The following CTIF variants were observed in gnomAD, a reference collection of about 807,000 sequenced individuals.
CTIF encodes the protein cap binding complex dependent translation initiation factor.
In CTIF, 21 loss-of-function variants were observed where a neutral mutation model predicts 66.0. The ratio of observed to expected loss-of-function variants is 0.32; its 90% CI spans 0.23 to 0.46. The LOEUF is 0.46. CTIF is among the 20% of genes least tolerant of loss of function. The pLI is 1.00. For missense variants in CTIF, 739 were observed against 812.7 expected (o/e 0.91, Z 1.10); for synonymous variants, 345 against 326.4 (o/e 1.06, Z -0.62).
At chr18:48,668,540 T>C (rs1003566379) in intron 5 of CTIF, among the ~76,000 whole-genome samples, 1 of 152,148 alleles carries the variant, frequency 6.6e-6, no homozygotes, top group Non-Finnish European at 1.5e-5. Context: ...GGAAACTTTT[T>C]CTTTTCCTTC....
intron 1 of CTIF, among the ~76,000 whole-genome samples, chr18:48,608,319 T>G (rs2144253066): frequency 6.6e-6 from 1 of 152,318 alleles, no homozygotes; most frequent in East Asian, 1.9e-4. Flanking sequence ...TTGTGGCTTT[T>G]TATGTGAAAT....
chr18:48,758,421 T>C lies in CTIF; in HGVS notation c.1071+16T>C. 6.4e-7 allele frequency: 1 copy of C among 1,561,334 alleles called. No individual in the cohort carries two copies. On this transcript the variant is annotated intron_variant, in intron 8 of 11. Transcript: ENST00000256413. ...AAAGGAAAAGGTACCGGTAATTGAATTTTTGTTCTTCTCTTGCACCAGGGA... is the reference window on the plus strand; with the variant it reads ...AAAGGAAAAGGTACCGGTAATTGAACTTTTGTTCTTCTCTTGCACCAGGGA...
intron 7 of CTIF, among the ~76,000 whole-genome samples, chr18:48,722,818 A>T (rs1359940525): frequency 6.6e-6 from 1 of 152,146 alleles, no homozygotes; most frequent in African/African-American, 2.4e-5. Flanking sequence ...ATCGGCGCTC[A>T]TAGGTGTAAG....
intron 6 of CTIF, among the ~76,000 whole-genome samples, chr18:48,676,515 G>A (rs1307104194): frequency 6.6e-6 from 1 of 152,174 alleles, no homozygotes; most frequent in Admixed American, 6.5e-5. Flanking sequence ...AGCAGGGCCG[G>A]CTCCCCTGCC....
At chr18:48,831,685 A>G (rs908571350) in intron 10 of CTIF, among the ~76,000 whole-genome samples, 5 of 152,272 alleles carry the variant, frequency 3.3e-5, no homozygotes, top group African/African-American at 1.2e-4. Flanking sequence ...GTAATTTTAC[A>G]TGGCCTAGTA....
At chr18:48,827,040 G>A (rs1022633045) in intron 10 of CTIF, among the ~76,000 whole-genome samples, 9 of 152,242 alleles carry the variant, frequency 5.9e-5, no homozygotes, top group Middle Eastern at 3.4e-3. Flanking sequence ...GAGCCAAGGC[G>A]TGGGGGCCAG....
chr18:48,712,384 G>T (rs536890033), intron 7 of CTIF, among the ~76,000 whole-genome samples: 3 of 152,288 alleles, frequency 2.0e-5, no homozygotes, highest in South Asian at 2.1e-4. Context: ...TTTCAAAAAG[G>T]CTTTCTTATA....
rs116834967 is a variant in CTIF at position 48,757,881 on chromosome 18, A to G, written c.585-38A>G. ...CACAGGGACTCTGACCAGCCCGCCC[A>G]GTGATCGCCTTCTCTGTCTTTCCTC... On this transcript the variant is annotated intron_variant, in intron 7 of 11. Coordinates refer to ENST00000256413, the MANE Select transcript of CTIF (RefSeq NM_014772.3). 4.5e-3 allele frequency: 7,141 copies of G among 1,583,510 alleles called. 199 individuals are homozygous for G. The African/African-American group carries it at 0.072, about 16-fold the overall frequency.
At chr18:48,794,695 CAGATGCCCTCTGG>C (rs536522021) in intron 9 of CTIF, among the ~76,000 whole-genome samples, 77 of 152,298 alleles carry the variant, frequency 5.1e-4, no homozygotes, top group African/African-American at 1.7e-3. Context: ...GGGATCGAAG[CAGATGCCCTCTGG>C]AGATGCCCTC....
At chr18:48,751,993 G>T (rs1340408235) in intron 7 of CTIF, among the ~76,000 whole-genome samples, 1 of 152,018 alleles carries the variant, frequency 6.6e-6, no homozygotes, top group African/African-American at 2.4e-5. Flanking sequence ...TCTACAGTTA[G>T]TGAGAAAAGT....
rs1045982729 is a variant in CTIF at position 48,633,833 on chromosome 18, T to C, written c.181-2781T>C. Among the ~76,000 whole-genome samples the C allele has an allele frequency of 5.3e-5, 8 of 152,328 alleles. No individual in the cohort carries two copies. The South Asian group carries it at 1.7e-3, about 32-fold the overall frequency. On this transcript the variant is annotated intron_variant, in intron 2 of 11. Coordinates refer to ENST00000256413, the MANE Select transcript of CTIF (RefSeq NM_014772.3). ...TTGTTTTGGAATTATTTTAGACTTA[T>C]AGCCAAGGTGCAGAATGGAACAGGG...
intron 1 of CTIF, among the ~76,000 whole-genome samples, chr18:48,589,608 T>C (rs148912276): frequency 6.6e-6 from 1 of 152,316 alleles, no homozygotes; most frequent in East Asian, 1.9e-4. Flanking sequence ...TGTCACTTGT[T>C]TTTGTGGTGC....
chr18:48,691,758 C>A (rs1201691614), intron 6 of CTIF, among the ~76,000 whole-genome samples: 1 of 152,176 alleles, frequency 6.6e-6, no homozygotes, highest in Non-Finnish European at 1.5e-5. Context: ...CACCAGCTCT[C>A]CCCTGGCCTG....
At chr18:48,746,853 T>C (rs2092600669) in intron 7 of CTIF, among the ~76,000 whole-genome samples, 1 of 152,072 alleles carries the variant, frequency 6.6e-6, no homozygotes, top group Non-Finnish European at 1.5e-5. Flanking sequence ...GTGTCTCTAC[T>C]CTTCTCCTTT....
intron 6 of CTIF, among the ~76,000 whole-genome samples, chr18:48,671,153 C>G (rs995802674): frequency 1.3e-5 from 2 of 152,108 alleles, no homozygotes; most frequent in African/African-American, 4.8e-5. Flanking sequence ...GGCTTTTGAA[C>G]AGTGGACTTG....
intron 2 of CTIF, chr18:48,625,349 C>T (rs545987524): frequency 3.8e-6 from 1 of 263,166 alleles, no homozygotes; most frequent in African/African-American, 2.3e-5. Context: ...CATACATTCC[C>T]ATAGTGCACA....
At chr18:48,745,483 T>C (rs1452233777) in intron 7 of CTIF, among the ~76,000 whole-genome samples, 1 of 152,264 alleles carries the variant, frequency 6.6e-6, no homozygotes, top group Non-Finnish European at 1.5e-5. Flanking sequence ...ATCCACTGAC[T>C]TCCATTGATG....
At chr18:48,540,510 A>G (rs998121684) in intron 1 of CTIF, among the ~76,000 whole-genome samples, 10 of 147,618 alleles carry the variant, frequency 6.8e-5, no homozygotes, top group Non-Finnish European at 1.2e-4. Context: ...ATGGTAAAAG[A>G]CAATCGGGAG....
At chr18:48,697,204 A>G (rs1238671190) in intron 6 of CTIF, among the ~76,000 whole-genome samples, 1 of 152,224 alleles carries the variant, frequency 6.6e-6, no homozygotes, top group African/African-American at 2.4e-5. Flanking sequence ...ACAAACAATT[A>G]TGGAGGCTCA....
Sources: allele counts gnomAD v4.1 joint callset (sites outside exome capture counted in the v4.1 genomes callset), GRCh38; gene constraint gnomAD v4.1.1; transcripts MANE v1.5; gene names NCBI Gene and HGNC (gene_info 2026-07-23, HGNC 2026-07-21).